The following ADCY2 variants were observed in gnomAD, a reference collection of about 807,000 sequenced individuals.
ADCY2 encodes adenylate cyclase 2, also known as adenylate cyclase type 2.
Under a neutral mutation model 125.2 loss-of-function variants are expected in ADCY2, and 31 were observed. That is an observed-to-expected ratio of 0.25 (90% confidence interval 0.19 to 0.33). The LOEUF is 0.33. Ranked by LOEUF, ADCY2 falls within the 10% of genes least tolerant of loss-of-function variation. The pLI is 1.00. For missense variants in ADCY2, 904 were observed against 1,418.2 expected (o/e 0.64, Z 5.82); for synonymous variants, 512 against 548.4 (o/e 0.93, Z 0.93).
intron 16 of ADCY2, among the ~76,000 whole-genome samples, chr5:7,765,935 G>T (rs574189487): frequency 6.6e-6 from 1 of 152,096 alleles, no homozygotes; most frequent in African/African-American, 2.4e-5. Flanking sequence ...GACAGCGAGC[G>T]AGCGAGAGAG....
At chr5:7,410,611 A>G (rs1489310157) in intron 1 of ADCY2, among the ~76,000 whole-genome samples, 1 of 152,232 alleles carries the variant, frequency 6.6e-6, no homozygotes. Flanking sequence ...CATTTCATTT[A>G]GTATGCATTA....
chr5:7,586,646 C>T lies in ADCY2; in HGVS notation c.571-39521C>T, dbSNP rs551957302. 1.8e-4 allele frequency among the ~76,000 whole-genome samples: 28 copies of T among 152,234 alleles called. 1 individual carries two copies. In the South Asian group the frequency reaches 3.9e-3, roughly 21 times the overall value. On this transcript the variant is annotated intron_variant, in intron 3 of 24. Coordinates refer to ENST00000338316, the MANE Select transcript of ADCY2 (RefSeq NM_020546.3). The stretch of plus-strand genomic sequence containing the variant: ...GTGCATCTCGGGGGATGTCTTCAGG[C>T]AGCTCACCGGCTGTCTTTAGCTTGC...
At chr5:7,822,070 T>C (rs568506366) in intron 24 of ADCY2, among the ~76,000 whole-genome samples, 226 of 152,154 alleles carry the variant, frequency 1.5e-3, no homozygotes, top group Non-Finnish European at 2.1e-3. Flanking sequence ...TACAGTTCAT[T>C]CCAGTATTCG....
intron 3 of ADCY2, among the ~76,000 whole-genome samples, chr5:7,598,902 A>G (rs1304580033): frequency 4.6e-5 from 7 of 152,198 alleles, no homozygotes; most frequent in African/African-American, 1.2e-4. Flanking sequence ...GTTGGAATCC[A>G]TGGTGGACTT....
At chr5:7,819,861 C>T (rs1745241108) in intron 23 of ADCY2, among the ~76,000 whole-genome samples, 1 of 152,170 alleles carries the variant, frequency 6.6e-6, no homozygotes, top group Admixed American at 6.5e-5. Flanking sequence ...CACACTCCTA[C>T]ACTAACTAGA....
At chr5:7,480,715 C>G (rs540784342) in intron 2 of ADCY2, among the ~76,000 whole-genome samples, 3 of 151,160 alleles carry the variant, frequency 2.0e-5, no homozygotes, top group South Asian at 2.1e-4. Flanking sequence ...ACAAGTTTAC[C>G]TATATAACAA....
intron 3 of ADCY2, among the ~76,000 whole-genome samples, chr5:7,536,428 C>T (rs1734814681): frequency 6.6e-6 from 1 of 152,108 alleles, no homozygotes; most frequent in Non-Finnish European, 1.5e-5. Context: ...TGGAGTGCAC[C>T]ACTCGTCACT....
chr5:7,819,926 G>T (rs562853564), intron 23 of ADCY2, among the ~76,000 whole-genome samples: 55 of 152,312 alleles, frequency 3.6e-4, no homozygotes, highest in Middle Eastern at 6.8e-3. Flanking sequence ...CCCCAGAGCT[G>T]CTGACCAAGC....
chr5:7,626,582 C>A (rs966268588), intron 4 of ADCY2, among the ~76,000 whole-genome samples: 1 of 152,116 alleles, frequency 6.6e-6, no homozygotes, highest in African/African-American at 2.4e-5. Context: ...GTCTACTTCT[C>A]GTGAATGCCT....
intron 2 of ADCY2, among the ~76,000 whole-genome samples, chr5:7,430,524 A>G (rs528784113): frequency 2.7e-5 from 4 of 147,676 alleles, no homozygotes; most frequent in South Asian, 2.1e-4. Context: ...GTGTGTATGT[A>G]TATATATATA....
chr5:7,531,844 G>C (rs902206365), intron 3 of ADCY2, among the ~76,000 whole-genome samples: 1 of 152,198 alleles, frequency 6.6e-6, no homozygotes, highest in Non-Finnish European at 1.5e-5. Context: ...GAGGTTTCCA[G>C]TGGACATAAC....
chr5:7,679,675 C>T (rs1266573392), intron 4 of ADCY2, among the ~76,000 whole-genome samples: 7 of 152,166 alleles, frequency 4.6e-5, no homozygotes, highest in Admixed American at 4.6e-4. Flanking sequence ...CAGGTTTCTG[C>T]ATGGGCAGCT....
At chr5:7,766,473 A>G (rs1235410994) in intron 16 of ADCY2, among the ~76,000 whole-genome samples, 1 of 152,194 alleles carries the variant, frequency 6.6e-6, no homozygotes, top group Non-Finnish European at 1.5e-5. Context: ...GGCGCCTCCA[A>G]TTCCTTTAAT....
chr5:7,789,389 G>T (rs540347549), intron 19 of ADCY2, among the ~76,000 whole-genome samples: 1 of 152,150 alleles, frequency 6.6e-6, no homozygotes, highest in East Asian at 1.9e-4. Context: ...CTTTAATGGC[G>T]CTTTGAATTT....
At chr5:7,636,476 C>A (rs1476036056) in intron 4 of ADCY2, among the ~76,000 whole-genome samples, 1 of 152,174 alleles carries the variant, frequency 6.6e-6, no homozygotes, top group Non-Finnish European at 1.5e-5. Flanking sequence ...TAGGGTGTAT[C>A]CAGCTGTCCT....
At chr5:7,560,328 C>A (rs1735669181) in intron 3 of ADCY2, among the ~76,000 whole-genome samples, 1 of 152,102 alleles carries the variant, frequency 6.6e-6, no homozygotes, top group African/African-American at 2.4e-5. Flanking sequence ...TGTGGTGTGT[C>A]ATTTTTAAAG....
chr5:7,642,579 T>G (rs1309093790), intron 4 of ADCY2, among the ~76,000 whole-genome samples: 1 of 152,140 alleles, frequency 6.6e-6, no homozygotes, highest in Non-Finnish European at 1.5e-5. Context: ...TTTGAGGACA[T>G]AGTCATAAAT....
At chr5:7,617,992 T>C (rs1281627041) in intron 3 of ADCY2, among the ~76,000 whole-genome samples, 2 of 152,214 alleles carry the variant, frequency 1.3e-5, no homozygotes, top group African/African-American at 2.4e-5. Flanking sequence ...ATGCGGAATA[T>C]TTTGGTCACA....
chr5:7,717,084 A>T (rs1741614186), intron 11 of ADCY2, 73 bp from the exon 12 acceptor site: 2 of 908,248 alleles, frequency 2.2e-6, no homozygotes, highest in African/African-American at 3.4e-5. Flanking sequence ...AATATTATGT[A>T]TCTCTAAAAA....
Sources: gnomAD v4.1 joint callset for allele counts (sites outside exome capture counted in the v4.1 genomes callset) on GRCh38, gnomAD v4.1.1 for gene constraint, MANE v1.5 for transcripts, NCBI Gene and HGNC (gene_info 2026-07-23, HGNC 2026-07-21) for gene names.